CCDC187: variants seen among roughly 807,000 people sequenced by gnomAD.
CCDC187 encodes the protein coiled-coil domain containing 187.
Under a neutral mutation model 38.0 loss-of-function variants are expected in CCDC187, and 32 were observed. That is an observed-to-expected ratio of 0.84 (90% CI 0.64 to 1.13). The LOEUF (loss-of-function observed/expected upper bound fraction) is 1.13, where lower values mean the gene tolerates loss of function less well. Among genes scored for constraint, CCDC187 ranks in the 50% most tolerant of loss-of-function variants. The pLI, the probability that CCDC187 is intolerant of heterozygous loss-of-function variation, is 0.00. For missense variants in CCDC187, 707 were observed against 786.8 expected (o/e 0.90, Z 1.21); for synonymous variants, 333 against 347.9 (o/e 0.96, Z 0.48).
At chr9:136,261,196 G>A (rs140044213) in intron 19 of CCDC187, among the ~76,000 whole-genome samples, 41 of 152,184 alleles carry the variant, frequency 2.7e-4, no homozygotes, top group South Asian at 1.0e-3. Context: ...ACCCCAAGGC[G>A]CCCAGCTCAC....
chr9:136,275,596 C>T (rs898839744), intron 12 of CCDC187, among the ~76,000 whole-genome samples: 11 of 152,186 alleles, frequency 7.2e-5, no homozygotes, highest in Admixed American at 1.3e-4. Context: ...GAAGAAAGGT[C>T]CACCTCCCAG....
chr9:136,279,816 C>G (rs1444218307), intron 10 of CCDC187, among the ~76,000 whole-genome samples: 2 of 152,240 alleles, frequency 1.3e-5, no homozygotes, highest in Non-Finnish European at 2.9e-5. Flanking sequence ...AATTCAGCCA[C>G]AAGGCGATTC....
chr9:136,264,409 C>T lies in CCDC187; in HGVS notation c.3736-611G>A, dbSNP rs537557215. On this transcript the variant is annotated intron_variant, in intron 17 of 25. Coordinates refer to ENST00000638797, the MANE Select transcript of CCDC187 (RefSeq NM_001378188.1). The surrounding 1 kb of genome is among the most constrained non-coding windows in gnomAD (Gnocchi z 4.3). Reference sequence around the variant, plus strand: ...GGCCCCGGCCAGCTCCAGCTCCTCCCGCCTGGGATCCCTGGGCAGCGCCTG... The same window carrying T: ...GGCCCCGGCCAGCTCCAGCTCCTCCTGCCTGGGATCCCTGGGCAGCGCCTG... Among the ~76,000 whole-genome samples the T allele has an allele frequency of 1.3e-5, 2 of 152,210 alleles. No homozygotes were observed. The highest frequency in any genetic ancestry group is 1.9e-4 in the East Asian group (1 of 5,186).
chr9:136,293,659 CTCTG>C (rs1462854550), intron 4 of CCDC187, among the ~76,000 whole-genome samples: 2 of 150,188 alleles, frequency 1.3e-5, no homozygotes, highest in African/African-American at 2.5e-5. Flanking sequence ...CATGCTCACA[CTCTG>C]TCACACGCAT....
In CCDC187 at chr9:136,258,155, G is replaced by A. The variant is rs1350652895; in HGVS notation, c.4366+777C>T. On this transcript the variant is annotated intron_variant, in intron 22 of 25. Transcript: ENST00000638797. The surrounding 1 kb of genome is among the most constrained non-coding windows in gnomAD (Gnocchi z 4.3). ...GCGGGACACAGAGGGAAAGCGCTCTGTATTCACTCCGCCTCCCAGTGTCAC... is the reference window on the plus strand; with the variant it reads ...GCGGGACACAGAGGGAAAGCGCTCTATATTCACTCCGCCTCCCAGTGTCAC... Among the ~76,000 whole-genome samples the A allele has an allele frequency of 6.6e-6, 1 of 152,138 alleles. No individual in the cohort carries two copies. The highest frequency in any genetic ancestry group is 1.5e-5 in the Non-Finnish European group (1 of 67,988).
At chr9:136,255,584 A>T (rs1830601698) in intron 25 of CCDC187, 73 bp downstream of exon 25, 1 of 655,908 alleles carries the variant, frequency 1.5e-6, no homozygotes, top group Non-Finnish European at 1.9e-6. Flanking sequence ...GCTGGCTCTG[A>T]TGTAGAAATG....
rs1293107348 is a variant in CCDC187, at chr9:136,283,101, T to C, written c.2928-1438A>G. 2.6e-5 allele frequency among the ~76,000 whole-genome samples: 4 copies of C among 152,052 alleles called. No homozygotes were observed. In the South Asian group the frequency reaches 8.3e-4, roughly 32 times the overall value. On this transcript the variant is annotated intron_variant, in intron 9 of 25. Transcript: ENST00000638797. ...CCGTCTCTACTAAAAATACAAAAAT[T>C]AGCTGGGCGTGGTGGCGGGTGCCTG... is the stretch of plus-strand genomic sequence containing the variant.
At chr9:136,270,632 G>A (rs560401735) in intron 14 of CCDC187, among the ~76,000 whole-genome samples, 208 of 152,318 alleles carry the variant, frequency 1.4e-3, no homozygotes, top group Admixed American at 2.2e-3. Context: ...CCGGATGACT[G>A]GGGGCAAGCC....
At chr9:136,266,633 A>C (rs1421285370) in intron 16 of CCDC187, 1 of 152,270 alleles carries the variant, frequency 6.6e-6, no homozygotes, top group African/African-American at 2.4e-5. Flanking sequence ...GAAGGGAGTT[A>C]CAGCCCTGTC....
rs1473457760 is a variant in CCDC187, at chr9:136,260,271, GGC to G, written c.4065-9_4065-8del. 62 of 985,056 alleles carry G rather than the reference GGC, an allele frequency of 6.3e-5. No homozygotes were observed. The African/African-American group carries it at 1.0e-3, about 16-fold the overall frequency. The allele number at this position is 985,056 out of a possible 1,614,324, so 61.0% of individuals were successfully genotyped here. A position where few individuals can be genotyped will look rare whatever the true frequency, so the allele number is the denominator to read the frequency against. ...CTGCTGCTCAGTGGGAGGGCTGCAC[GGC>G]CATGCAGAGTGGAGGTGACCGCCCG... On this transcript the variant is annotated splice_polypyrimidine_tract_variant and splice_region_variant and intron_variant, in intron 19 of 25. Transcript: ENST00000638797.
At chr9:136,260,891 C>A (rs1233231720) in intron 19 of CCDC187, among the ~76,000 whole-genome samples, 2 of 152,206 alleles carry the variant, frequency 1.3e-5, no homozygotes, top group African/African-American at 4.8e-5. Context: ...AATGGGAGGG[C>A]ATCTTGACGC....
At chr9:136,279,432 C>T (rs2131236729) in intron 10 of CCDC187, among the ~76,000 whole-genome samples, 1 of 152,342 alleles carries the variant, frequency 6.6e-6, no homozygotes, top group African/African-American at 2.4e-5. Flanking sequence ...ACTGCACATT[C>T]CGCCCATAGG....
At chr9:136,304,549 G>A (rs1288357712), upstream of CCDC187, among the ~76,000 whole-genome samples, 1 of 152,236 alleles carries the variant, frequency 6.6e-6, no homozygotes, top group African/African-American at 2.4e-5. Flanking sequence ...CCCAGGTCAG[G>A]AGCCCCCGCT....
At chr9:136,293,380 C>T (rs1831411240) in intron 4 of CCDC187, among the ~76,000 whole-genome samples, 1 of 143,334 alleles carries the variant, frequency 7.0e-6, no homozygotes, top group East Asian at 2.2e-4. Context: ...CACACACTCA[C>T]ACTCACATGC....
chr9:136,286,273 G>T lies in CCDC187; in HGVS notation c.2645C>A (p.Thr882Asn), dbSNP rs1179005618. Residue 882 changes from threonine (T) to asparagine (N), a missense_variant, in exon 8 of 26, where the codon ACC (threonine) becomes AAC (asparagine). Coordinates refer to ENST00000638797, the MANE Select transcript of CCDC187 (RefSeq NM_001378188.1). ...CCCCAAGGCTCCAGGGCAGGCTGGG[G>T]TGGCAAGCGTGGGGGTGGCGAGCGT... ...APTLATPTLATPACPGALGPN... is the reference protein window; with the variant it reads ...APTLATPTLANPACPGALGPN... 2.0e-5 allele frequency: 8 copies of T among 398,556 alleles called. No homozygotes were observed. The East Asian group carries it at 2.8e-4, about 14-fold the overall frequency. 24.7% of individuals were successfully genotyped at this position (398,556 alleles called of 1,614,324 possible). A position where few individuals can be genotyped will look rare whatever the true frequency, so the allele number is the denominator to read the frequency against.
intron 4 of CCDC187, among the ~76,000 whole-genome samples, chr9:136,292,850 C>T (rs1397021140): frequency 5.3e-5 from 8 of 152,212 alleles, no homozygotes; most frequent in African/African-American, 1.7e-4. Context: ...GAAGGCTCCC[C>T]GGCTGGCAGG....
At chr9:136,291,959 T>C (rs1831341854) in intron 5 of CCDC187, among the ~76,000 whole-genome samples, 1 of 152,216 alleles carries the variant, frequency 6.6e-6, no homozygotes, top group Non-Finnish European at 1.5e-5. Context: ...CCAGAAACCC[T>C]TTTCTCAGGC....
At position 136,262,311 on chromosome 9, in the gene CCDC187, C is replaced by T. The variant is rs1007877531; in HGVS notation, c.4064G>A (p.Arg1355His). 41 of 986,248 alleles carry T rather than the reference C, an allele frequency of 4.2e-5. No homozygotes were observed. Among genetic ancestry groups the T allele is most frequent in the Middle Eastern group, 5.2e-4 (1 of 1,938 alleles). 61.1% of individuals were successfully genotyped at this position (986,248 alleles called of 1,614,324 possible). Residue 1355 changes from arginine to histidine, a missense_variant and splice_region_variant, in exon 19 of 26, where the codon CGC (arginine) becomes CAC (histidine). Arg to His is a conservative substitution (Grantham distance 29). Transcript: ENST00000638797. ...GACCCCCTAAGACCAACCAACTCACCGCGTGGCCTTTGAGCTTGCGGGGCT... is the reference window on the plus strand; with the variant it reads ...GACCCCCTAAGACCAACCAACTCACTGCGTGGCCTTTGAGCTTGCGGGGCT... Reference protein sequence around the residue: ...QSSPASSKATRPPTEQQDVTP... With the variant: ...QSSPASSKATHPPTEQQDVTP...
In CCDC187 at chr9:136,258,226, C is replaced by T. The variant is rs998555633; in HGVS notation, c.4366+706G>A. 6.6e-5 allele frequency among the ~76,000 whole-genome samples: 10 copies of T among 152,158 alleles called. No individual in the cohort carries two copies. The highest frequency in any genetic ancestry group is 1.4e-4 in the African/African-American group (6 of 41,460). ...ACCAGCCACGCTCTCCTGGGCAGCC[C>T]CACAAGTGCTTCTGATCTCTTTCCG... On this transcript the variant is annotated intron_variant, in intron 22 of 25. Transcript: ENST00000638797. The surrounding 1 kb of genome is among the most constrained non-coding windows in gnomAD (Gnocchi z 4.3).
Sources: allele counts gnomAD v4.1 joint callset (sites outside exome capture counted in the v4.1 genomes callset), GRCh38; gene constraint gnomAD v4.1.1; non-coding constraint Gnocchi (gnomAD v3.1); transcripts MANE v1.5; gene names NCBI Gene and HGNC (gene_info 2026-07-23, HGNC 2026-07-21).